The following SERINC5 variants were observed in gnomAD, a reference collection of about 807,000 sequenced individuals.
SERINC5 encodes the protein chromosome 5 open reading frame 12.
Under a neutral mutation model 63.1 loss-of-function variants are expected in SERINC5, and 41 were observed. The observed-to-expected ratio is 0.65, with a 90% CI of 0.51 to 0.84. The LOEUF is 0.84. Among genes scored for constraint, SERINC5 ranks in the 40% least tolerant of loss-of-function variants. SERINC5 has a pLI of 0.00. For synonymous variants in SERINC5, 222 were observed against 215.2 expected (o/e 1.03, Z -0.28); for missense variants, 523 against 573.0 (o/e 0.91, Z 0.89).
At chr5:80,203,401 G>C (rs1252980573) in intron 1 of SERINC5, among the ~76,000 whole-genome samples, 1 of 151,448 alleles carries the variant, frequency 6.6e-6, no homozygotes, top group African/African-American at 2.4e-5. Flanking sequence ...GCCCAGTGCA[G>C]TGATTCACAC....
At position 80,234,307 on chromosome 5, in the gene SERINC5, C is replaced by T. The variant is rs114903004; in HGVS notation, c.27+21589G>A. ...CTTAGCACCATTGTTTTAGGATTGG[C>T]GTACCCGTTTTTTCCAGTTCCATTC... On this transcript the variant is annotated intron_variant, in intron 1 of 11. Coordinates refer to ENST00000507668, the MANE Select transcript of SERINC5 (RefSeq NM_001174072.3). Among the ~76,000 whole-genome samples, 1,388 of 152,218 alleles carry T rather than the reference C, an allele frequency of 9.1e-3. 21 individuals are homozygous for T. Among genetic ancestry groups the T allele is most frequent in the African/African-American group, 0.03 (1,239 of 41,532 alleles).
At chr5:80,130,050 G>T (rs1744880566) in intron 11 of SERINC5, among the ~76,000 whole-genome samples, 1 of 151,782 alleles carries the variant, frequency 6.6e-6, no homozygotes, top group East Asian at 1.9e-4. Context: ...ATGTTTTTTT[G>T]ACCAACTGTT....
At chr5:80,129,364 T>C (rs34740105) in intron 11 of SERINC5, among the ~76,000 whole-genome samples, 12,022 of 152,228 alleles carry the variant, frequency 0.079, 529 homozygotes, top group African/African-American at 0.12. Flanking sequence ...AGTGATGCAA[T>C]CATAGCTCAC....
At position 80,142,818 on chromosome 5, in the gene SERINC5, T is replaced by C; in HGVS notation, c.*845A>G. On this transcript the variant is annotated 3_prime_UTR_variant, in exon 12 of 12. Coordinates refer to ENST00000507668, the MANE Select transcript of SERINC5 (RefSeq NM_001174072.3). ...TATCATTATCAACAGCACAAACAAGTAAGAATGATAGCCCTCCATTGCTTA... is the reference window on the plus strand; with the variant it reads ...TATCATTATCAACAGCACAAACAAGCAAGAATGATAGCCCTCCATTGCTTA... The C allele has an allele frequency of 1.0e-6, 1 of 985,410 alleles. No homozygotes were observed. Among genetic ancestry groups the C allele is most frequent in the Non-Finnish European group, 1.2e-6 (1 of 829,908 alleles). 61.0% of individuals were successfully genotyped at this position (985,410 alleles called of 1,614,324 possible). A position where few individuals can be genotyped will look rare whatever the true frequency, so the allele number is the denominator to read the frequency against.
intron 11 of SERINC5, among the ~76,000 whole-genome samples, chr5:80,131,872 T>A (rs1744961699): frequency 6.6e-6 from 1 of 152,192 alleles, no homozygotes. Flanking sequence ...CAGAATCTAG[T>A]TCTGTAACTA....
chr5:80,195,052 G>A (rs373555586), intron 2 of SERINC5, among the ~76,000 whole-genome samples: 6 of 152,106 alleles, frequency 3.9e-5, no homozygotes, highest in African/African-American at 1.2e-4. Context: ...TTTGGGAGGC[G>A]GAGGCAGGTG....
chr5:80,155,321 T>A (rs749395425), intron 8 of SERINC5, among the ~76,000 whole-genome samples: 1 of 152,074 alleles, frequency 6.6e-6, no homozygotes, highest in Non-Finnish European at 1.5e-5. Context: ...TCCCAGCACT[T>A]TGGGAGGCCA....
intron 11 of SERINC5, among the ~76,000 whole-genome samples, chr5:80,144,309 A>T (rs1745687480): frequency 6.6e-6 from 1 of 152,200 alleles, no homozygotes; most frequent in African/African-American, 2.4e-5. Context: ...TGATGCTTGT[A>T]TGAACACCGC....
chr5:80,191,415 G>T (rs1749171680), intron 2 of SERINC5, among the ~76,000 whole-genome samples: 1 of 144,212 alleles, frequency 6.9e-6, no homozygotes, highest in African/African-American at 2.6e-5. Context: ...GAGGCAGGAG[G>T]ATCGTTGCTT....
intron 8 of SERINC5, chr5:80,158,634 T>C: frequency 1.8e-6 from 1 of 543,584 alleles, no homozygotes; most frequent in South Asian, 2.7e-5. Flanking sequence ...ACATACCATA[T>C]ATTTGCTTTA....
At chr5:80,164,674 T>G (rs1747153956) in intron 7 of SERINC5, among the ~76,000 whole-genome samples, 2 of 152,064 alleles carry the variant, frequency 1.3e-5, no homozygotes, top group African/African-American at 4.8e-5. Flanking sequence ...ATGAGCCAAC[T>G]CACACAGCCC....
chr5:80,148,582 TGCTTAA>T (rs546344859), intron 9 of SERINC5, among the ~76,000 whole-genome samples: 31 of 151,790 alleles, frequency 2.0e-4, no homozygotes, highest in South Asian at 4.2e-4. Context: ...GGAGGAAGAC[TGCTTAA>T]GCCCATGAGT....
chr5:80,255,674 G>A (rs1018428473), intron 1 of SERINC5, among the ~76,000 whole-genome samples: 1 of 152,164 alleles, frequency 6.6e-6, no homozygotes, highest in South Asian at 2.1e-4. Context: ...CGGACGGGAA[G>A]ACCCCGGGGT....
chr5:80,153,184 G>A (rs1032438879), intron 8 of SERINC5, among the ~76,000 whole-genome samples: 5 of 151,956 alleles, frequency 3.3e-5, no homozygotes, highest in Non-Finnish European at 5.9e-5. Context: ...GTTGCCGGGC[G>A]TGGTGGCTCA....
chr5:80,126,308 A>G (rs533224867), intron 11 of SERINC5, among the ~76,000 whole-genome samples: 2 of 152,320 alleles, frequency 1.3e-5, no homozygotes, highest in Admixed American at 6.5e-5. Context: ...AGTTTTTACT[A>G]TGACTATGCA....
intron 1 of SERINC5, among the ~76,000 whole-genome samples, chr5:80,209,033 G>A (rs1046766830): frequency 1.3e-5 from 2 of 152,184 alleles, no homozygotes; most frequent in African/African-American, 2.4e-5. Flanking sequence ...CTCCCAAAGC[G>A]AGTAGACTGC....
intron 1 of SERINC5, among the ~76,000 whole-genome samples, chr5:80,242,320 C>A (rs1561451723): frequency 6.6e-6 from 1 of 151,830 alleles, no homozygotes; most frequent in African/African-American, 2.4e-5. Context: ...AAAAAAAAGA[C>A]CCTTTTAGAA....
intron 1 of SERINC5, among the ~76,000 whole-genome samples, chr5:80,220,671 G>A (rs146969430): frequency 4.7e-3 from 709 of 152,210 alleles, no homozygotes; most frequent in Non-Finnish European, 6.5e-3. Flanking sequence ...GATTGATGCC[G>A]CCTCTGAGGT....
At chr5:80,114,978 G>A (rs924446617) in intron 11 of SERINC5, among the ~76,000 whole-genome samples, 6 of 151,980 alleles carry the variant, frequency 3.9e-5, no homozygotes, top group African/African-American at 1.5e-4. Context: ...CAGGGAAAAG[G>A]CAGAGACAAT....
Sources: allele counts gnomAD v4.1 joint callset (sites outside exome capture counted in the v4.1 genomes callset), GRCh38; gene constraint gnomAD v4.1.1; transcripts MANE v1.5; gene names NCBI Gene and HGNC (gene_info 2026-07-23, HGNC 2026-07-21).